Variants in WDR7 observed in about 807,000 individuals in gnomAD.
WDR7 encodes the protein WD repeat-containing protein 7.
In WDR7, 46 loss-of-function variants were observed where a neutral mutation model predicts 169.4. That is an observed-to-expected ratio of 0.27 (90% CI 0.21 to 0.35). The LOEUF is 0.35. Among genes scored for constraint, WDR7 ranks in the 10% least tolerant of loss-of-function variants. WDR7 has a pLI of 1.00. For missense variants in WDR7, 1,534 were observed against 1,859.3 expected (o/e 0.83, Z 3.22); for synonymous variants, 612 against 666.8 (o/e 0.92, Z 1.27).
intron 26 of WDR7, among the ~76,000 whole-genome samples, chr18:56,971,290 A>AC (rs1340532005): frequency 1.3e-5 from 2 of 151,914 alleles, no homozygotes; most frequent in Non-Finnish European, 2.9e-5. Context: ...CCAAAAAAAA[A>AC]AAAAAAAAGG....
chr18:56,841,867 C>T (rs1599092292), intron 20 of WDR7, among the ~76,000 whole-genome samples: 1 of 152,182 alleles, frequency 6.6e-6, no homozygotes, highest in East Asian at 1.9e-4. Context: ...TGTATGTGTG[C>T]ATGCAGAGAT....
chr18:56,836,582 A>G (rs1175639532), intron 20 of WDR7, among the ~76,000 whole-genome samples: 1 of 152,184 alleles, frequency 6.6e-6, no homozygotes, highest in Non-Finnish European at 1.5e-5. Flanking sequence ...GAAATCTGAA[A>G]CAGACTTAAC....
At chr18:56,908,847 T>C (rs1443816850) in intron 21 of WDR7, among the ~76,000 whole-genome samples, 2 of 152,212 alleles carry the variant, frequency 1.3e-5, no homozygotes, top group African/African-American at 4.8e-5. Context: ...CTGTTTTTTC[T>C]TAGTTTGATA....
chr18:56,960,062 A>G (rs1188057875), intron 25 of WDR7, among the ~76,000 whole-genome samples: 1 of 152,218 alleles, frequency 6.6e-6, no homozygotes, highest in Non-Finnish European at 1.5e-5. Context: ...AGATTAAAAC[A>G]TGCCTTATGA....
intron 21 of WDR7, among the ~76,000 whole-genome samples, chr18:56,889,527 G>C (rs554017234): frequency 6.6e-6 from 1 of 152,292 alleles, no homozygotes; most frequent in South Asian, 2.1e-4. Flanking sequence ...GCTTTGCTTA[G>C]TACCACTGAA....
chr18:57,014,263 T>A (rs1305799159), intron 26 of WDR7, among the ~76,000 whole-genome samples: 1 of 150,478 alleles, frequency 6.6e-6, no homozygotes, highest in African/African-American at 2.4e-5. Flanking sequence ...GAGGCAGAGA[T>A]TGCAGTGAGC....
intron 20 of WDR7, among the ~76,000 whole-genome samples, chr18:56,874,485 A>T (rs1436609216): frequency 6.6e-6 from 1 of 152,052 alleles, no homozygotes; most frequent in Non-Finnish European, 1.5e-5. Flanking sequence ...AGATATTTTA[A>T]TTATTAATTT....
intron 5 of WDR7, among the ~76,000 whole-genome samples, chr18:56,684,989 G>T (rs2025417293): frequency 6.6e-6 from 1 of 152,056 alleles, no homozygotes; most frequent in Non-Finnish European, 1.5e-5. Context: ...ATCTGTATTT[G>T]TGACCAAGCG....
At chr18:56,943,557 A>G (rs1256465324) in intron 25 of WDR7, among the ~76,000 whole-genome samples, 1 of 152,172 alleles carries the variant, frequency 6.6e-6, no homozygotes, top group African/African-American at 2.4e-5. Flanking sequence ...ACACAATATT[A>G]TTTTTCCATG....
chr18:57,023,607 A>G (rs1156829504), intron 27 of WDR7, among the ~76,000 whole-genome samples: 1 of 152,236 alleles, frequency 6.6e-6, no homozygotes, highest in Non-Finnish European at 1.5e-5. Flanking sequence ...AAAAAAGCCA[A>G]AGTTACACTT....
chr18:56,888,014 C>T (rs539313892), intron 21 of WDR7, among the ~76,000 whole-genome samples: 3 of 152,206 alleles, frequency 2.0e-5, no homozygotes, highest in Admixed American at 6.5e-5. Context: ...TTATTATCCT[C>T]ATTTTGAGAT....
At chr18:56,891,270 T>C (rs1020375925) in intron 21 of WDR7, among the ~76,000 whole-genome samples, 1 of 152,174 alleles carries the variant, frequency 6.6e-6, no homozygotes, top group African/African-American at 2.4e-5. Context: ...CTTTTTATTG[T>C]GATTTTGTTA....
At chr18:56,962,739 A>G (rs966228200) in intron 26 of WDR7, among the ~76,000 whole-genome samples, 2 of 152,172 alleles carry the variant, frequency 1.3e-5, no homozygotes, top group Admixed American at 1.3e-4. Context: ...AGAGTTCATA[A>G]GAGAGCCCAG....
At chr18:56,795,051 A>G (rs2044559971) in intron 19 of WDR7, among the ~76,000 whole-genome samples, 1 of 152,230 alleles carries the variant, frequency 6.6e-6, no homozygotes, top group African/African-American at 2.4e-5. Flanking sequence ...CCCTGGCTAC[A>G]CTTCAGAAAT....
At chr18:56,700,710 C>T (rs1003211411) in intron 12 of WDR7, among the ~76,000 whole-genome samples, 2 of 150,224 alleles carry the variant, frequency 1.3e-5, no homozygotes, top group Admixed American at 6.7e-5. Flanking sequence ...GCTGGGACTA[C>T]AGGCGCCCGC....
At chr18:56,904,072 TAA>T (rs1215620342) in intron 21 of WDR7, among the ~76,000 whole-genome samples, 2 of 70,090 alleles carry the variant, frequency 2.9e-5, no homozygotes, top group Non-Finnish European at 6.6e-5. Flanking sequence ...ATGCTCAAAA[TAA>T]TTTTTTTTTT....
At chr18:56,866,142 T>G (rs2045880120) in intron 20 of WDR7, among the ~76,000 whole-genome samples, 1 of 152,148 alleles carries the variant, frequency 6.6e-6, no homozygotes, top group Non-Finnish European at 1.5e-5. Context: ...GCCCTTCACC[T>G]TGTGGCTTGA....
rs1407123712 is a variant in WDR7, at chr18:57,028,281, G to A, written c.*1074G>A. The A allele has an allele frequency of 1.3e-5, 2 of 152,216 alleles. No individual in the cohort carries two copies. The highest frequency in any genetic ancestry group is 6.5e-5 in the Admixed American group (1 of 15,290). The allele number at this position is 152,216 out of a possible 1,614,324, so 9.4% of individuals were successfully genotyped here. A position where few individuals can be genotyped will look rare whatever the true frequency, so the allele number is the denominator to read the frequency against. On this transcript the variant is annotated 3_prime_UTR_variant, in exon 28 of 28. Coordinates refer to ENST00000254442, the MANE Select transcript of WDR7 (RefSeq NM_015285.3). The stretch of plus-strand genomic sequence containing the variant: ...AACTATGGCACAAATGTTCAGGAGT[G>A]TATATAAAAATATGTGGGCTCTCGA...
At chr18:56,778,593 A>G (rs183200427) in intron 17 of WDR7, among the ~76,000 whole-genome samples, 5 of 152,270 alleles carry the variant, frequency 3.3e-5, no homozygotes, top group Admixed American at 1.3e-4. Flanking sequence ...GTTATTGTGT[A>G]TCTATTTTCA....
Sources: allele counts gnomAD v4.1 joint callset (sites outside exome capture counted in the v4.1 genomes callset), GRCh38; gene constraint gnomAD v4.1.1; transcripts MANE v1.5; gene names NCBI Gene and HGNC (gene_info 2026-07-23, HGNC 2026-07-21).